Variants in MFSD6 observed in about 807,000 individuals in gnomAD.
MFSD6 encodes the protein major facilitator superfamily domain-containing protein 6.
MFSD6 carries 26 observed loss-of-function variants against 56.3 expected under a neutral mutation model. The ratio of observed to expected loss-of-function variants is 0.46; its 90% CI spans 0.34 to 0.64. MFSD6 has a LOEUF of 0.64. Ranked by LOEUF, MFSD6 falls within the 30% of genes least tolerant of loss-of-function variation. MFSD6 has a pLI of 0.01. For synonymous variants in MFSD6, 331 were observed against 366.9 expected, an observed-to-expected ratio of 0.90 and a Z score of 1.12; for missense variants, 750 against 986.2, an observed-to-expected ratio of 0.76 and a Z score of 3.21.
Position 190,456,573 on chromosome 2 carries a change from G to T in MFSD6, c.1533-13185G>T, listed in dbSNP as rs1574143664. Among the ~76,000 whole-genome samples the T allele has an allele frequency of 6.7e-6, 1 of 149,998 alleles. No individual in the cohort carries two copies. The highest frequency in any genetic ancestry group is 1.9e-4 in the East Asian group (1 of 5,188). On this transcript the variant is annotated intron_variant, in intron 3 of 7. Coordinates refer to ENST00000392328, the MANE Select transcript of MFSD6 (RefSeq NM_017694.4). The surrounding 1 kb of genome is among the most constrained non-coding windows in gnomAD (Gnocchi z 5.4). ...CTGATGGCATGGCCTAAGCCCAAGA[G>T]GGAGACTCTGGACAGCTCTGTCCCT...
rs983964299 is a variant in MFSD6, at chr2:190,458,602, C to G, written c.1533-11156C>G. Among the ~76,000 whole-genome samples the G allele has an allele frequency of 3.7e-4, 57 of 152,302 alleles. No homozygotes were observed. Among genetic ancestry groups the G allele is most frequent in the African/African-American group, 1.3e-3 (54 of 41,550 alleles). On this transcript the variant is annotated intron_variant, in intron 3 of 7. Transcript: ENST00000392328. This position sits in a 1 kb window ranked among gnomAD's most constrained non-coding sequence, Gnocchi z 5.3. Reference sequence around the variant, plus strand: ...ACCCCAGTTTTAGATTCCCTTCCCCCCGAGTGCTTGACAGATGGTTATTAG... The same window carrying G: ...ACCCCAGTTTTAGATTCCCTTCCCCGCGAGTGCTTGACAGATGGTTATTAG...
chr2:190,445,858 G>A (rs181032323), intron 3 of MFSD6, among the ~76,000 whole-genome samples: 2,560 of 149,748 alleles, frequency 0.017, 73 homozygotes, highest in African/African-American at 0.058. Flanking sequence ...CAAAAAGAAG[G>A]TCATTTTTTT....
At chr2:190,428,857 G>T (rs985944468) in intron 2 of MFSD6, among the ~76,000 whole-genome samples, 2 of 151,882 alleles carry the variant, frequency 1.3e-5, no homozygotes, top group African/African-American at 2.4e-5. Context: ...AGTTTTAATA[G>T]AGATGGGGTT....
intron 3 of MFSD6, among the ~76,000 whole-genome samples, chr2:190,449,927 A>C (rs1316657427): frequency 6.6e-6 from 1 of 152,116 alleles, no homozygotes; most frequent in African/African-American, 2.4e-5. Flanking sequence ...TGACGAGTTA[A>C]TGGGTGCAGC....
Position 190,410,671 on chromosome 2 carries a change from G to T in MFSD6, c.-176+2168G>T, listed in dbSNP as rs1237194722. On this transcript the variant is annotated intron_variant, in intron 1 of 7. Transcript: ENST00000392328. This position sits in a 1 kb window ranked among gnomAD's most constrained non-coding sequence, Gnocchi z 4.4. Reference sequence around the variant, plus strand: ...TCCTTTGACAGCAAATCTTAATTTGGCAATCTCATTATAGGGAAAGGAAGA... The same window carrying T: ...TCCTTTGACAGCAAATCTTAATTTGTCAATCTCATTATAGGGAAAGGAAGA... Among the ~76,000 whole-genome samples the T allele has an allele frequency of 2.0e-5, 3 of 152,072 alleles. No homozygotes were observed. Among genetic ancestry groups the T allele is most frequent in the Non-Finnish European group, 4.4e-5 (3 of 68,020 alleles).
Position 190,424,300 on chromosome 2 carries a change from A to G in MFSD6, c.-54+8887A>G, listed in dbSNP as rs1192000197. Among the ~76,000 whole-genome samples, 1 of 151,102 alleles carries G rather than the reference A, an allele frequency of 6.6e-6. No homozygotes were observed. Among genetic ancestry groups the G allele is most frequent in the African/African-American group, 2.4e-5 (1 of 41,088 alleles). ...ATAGTTAATGATCCATTTTGAGTTA[A>G]TATTTGTATAAGGTATAAGACTTAG... On this transcript the variant is annotated intron_variant, in intron 2 of 7. Transcript: ENST00000392328. This position sits in a 1 kb window ranked among gnomAD's most constrained non-coding sequence, Gnocchi z 5.9.
chr2:190,493,677 C>T (rs994669906), intron 6 of MFSD6, among the ~76,000 whole-genome samples: 1 of 152,164 alleles, frequency 6.6e-6, no homozygotes, highest in African/African-American at 2.4e-5. Context: ...AGTACTCTCT[C>T]AGACCACAGT....
chr2:190,460,501 T>A (rs972240882), intron 3 of MFSD6, among the ~76,000 whole-genome samples: 2 of 152,230 alleles, frequency 1.3e-5, no homozygotes, highest in Admixed American at 1.3e-4. Context: ...ATATTCTATT[T>A]GAAGTATTCA....
chr2:190,484,002 G>T (rs1345999369), intron 4 of MFSD6, among the ~76,000 whole-genome samples: 2 of 152,120 alleles, frequency 1.3e-5, no homozygotes, highest in Non-Finnish European at 1.5e-5. Flanking sequence ...AATCCTGGGG[G>T]ATCCCAGTAA....
intron 3 of MFSD6, among the ~76,000 whole-genome samples, chr2:190,450,283 GGAA>G (rs1398571365): frequency 1.3e-5 from 2 of 152,130 alleles, no homozygotes; most frequent in East Asian, 3.9e-4. Context: ...AGGATAGTCT[GGAA>G]GAGTGGATAA....
chr2:190,472,481 G>T (rs1329707393), intron 4 of MFSD6, among the ~76,000 whole-genome samples: 3 of 152,158 alleles, frequency 2.0e-5, no homozygotes, highest in Non-Finnish European at 4.4e-5. Context: ...GGAAGAAAGG[G>T]TATCAGTGAT....
At chr2:190,440,689 T>C (rs1212805026) in intron 3 of MFSD6, among the ~76,000 whole-genome samples, 1 of 152,246 alleles carries the variant, frequency 6.6e-6, no homozygotes, top group Non-Finnish European at 1.5e-5. Context: ...CAGAAAAATC[T>C]ATTCAATCAA....
At position 190,437,095 on chromosome 2, in the gene MFSD6, G is replaced by T. The variant is rs371311716; in HGVS notation, c.1066G>T (p.Asp356Tyr). Residue 356 changes from aspartate to tyrosine, a missense_variant, in exon 3 of 8, where the codon GAT (aspartate) becomes TAT (tyrosine). Physicochemically the swap from Asp to Tyr is radical, Grantham distance 160. Coordinates refer to ENST00000392328, the MANE Select transcript of MFSD6 (RefSeq NM_017694.4). This position sits in a 1 kb window ranked among gnomAD's most constrained non-coding sequence, Gnocchi z 5.9. Reference sequence around the variant, plus strand: ...CTACACCCACATCGAAGTGCTCATCGATGGAAAGGGGTGTAAGCCCCCCGA... The same window carrying T: ...CTACACCCACATCGAAGTGCTCATCTATGGAAAGGGGTGTAAGCCCCCCGA... ...IDYTHIEVLI[D>Y]GKGCKPPEYR... The T allele has an allele frequency of 1.9e-6, 3 of 1,614,122 alleles. No homozygotes were observed. The highest frequency in any genetic ancestry group is 1.7e-6 in the Non-Finnish European group (2 of 1,180,052).
At chr2:190,428,873 A>G (rs1685868542) in intron 2 of MFSD6, among the ~76,000 whole-genome samples, 1 of 151,958 alleles carries the variant, frequency 6.6e-6, no homozygotes, top group African/African-American at 2.4e-5. Context: ...GGGTTTTGCC[A>G]CATTGGCCAG....
At position 190,436,410 on chromosome 2, in the gene MFSD6, CT is replaced by C; in HGVS notation, c.384del (p.Phe128LeufsTer30). 1 of 1,614,166 alleles carries C rather than the reference CT, an allele frequency of 6.2e-7. No homozygotes were observed. The highest frequency in any genetic ancestry group is 8.5e-7 in the Non-Finnish European group (1 of 1,180,028). ...APFWGVVADR[F>X]KKGKIVLLFS... Reference sequence around the variant, plus strand: ...CCTTTTGGGGTGTAGTTGCAGACCGCTTTAAAAAAGGCAAAATTGTCCTCCT... The same window carrying C: ...CCTTTTGGGGTGTAGTTGCAGACCGCTTAAAAAAGGCAAAATTGTCCTCCT... On this transcript the variant is annotated frameshift_variant, in exon 3 of 8. Coordinates refer to ENST00000392328, the MANE Select transcript of MFSD6 (RefSeq NM_017694.4). LOFTEE classifies it high-confidence loss of function. The surrounding 1 kb of genome is among the most constrained non-coding windows in gnomAD (Gnocchi z 5.3).
At position 190,412,145 on chromosome 2, in the gene MFSD6, T is replaced by G; in HGVS notation, c.-175-3147T>G. On this transcript the variant is annotated intron_variant, in intron 1 of 7. Coordinates refer to ENST00000392328, the MANE Select transcript of MFSD6 (RefSeq NM_017694.4). This position sits in a 1 kb window ranked among gnomAD's most constrained non-coding sequence, Gnocchi z 4.1. ...TAGTTCTATCCAATTCTATGTAAAA[T>G]TAACTAAAACCACTGCTTAGAATCC... The G allele has an allele frequency of 1.0e-6, 1 of 984,042 alleles. No homozygotes were observed. The highest frequency in any genetic ancestry group is 1.2e-6 in the Non-Finnish European group (1 of 828,642). 61.0% of individuals were successfully genotyped at this position (984,042 alleles called of 1,614,324 possible). A position where few individuals can be genotyped will look rare whatever the true frequency, so the allele number is the denominator to read the frequency against.
chr2:190,441,684 C>A (rs944832409), intron 3 of MFSD6, among the ~76,000 whole-genome samples: 2 of 152,036 alleles, frequency 1.3e-5, no homozygotes, highest in African/African-American at 4.8e-5. Flanking sequence ...TAGCTTTCTC[C>A]ACGTGGGTAC....
In MFSD6 at chr2:190,490,000, G is replaced by A. The variant is rs1373684239; in HGVS notation, c.1891+134G>A. The A allele has an allele frequency of 2.0e-5, 13 of 655,880 alleles. No individual in the cohort carries two copies. The highest frequency in any genetic ancestry group is 1.3e-4 in the South Asian group (6 of 46,228). 40.6% of individuals were successfully genotyped at this position (655,880 alleles called of 1,614,324 possible). On this transcript the variant is annotated intron_variant, in intron 6 of 7. Coordinates refer to ENST00000392328, the MANE Select transcript of MFSD6 (RefSeq NM_017694.4). The surrounding 1 kb of genome is among the most constrained non-coding windows in gnomAD (Gnocchi z 6.6). ...GGCTCAATTTTCTGAGTGGCGTATC[G>A]ATGAATTCATGTGGACTATTGTTAA...
chr2:190,469,171 C>T lies in MFSD6; in HGVS notation c.1533-587C>T, dbSNP rs1270257562. 6.6e-6 allele frequency among the ~76,000 whole-genome samples: 1 copy of T among 152,034 alleles called. No homozygotes were observed. On this transcript the variant is annotated intron_variant, in intron 3 of 7. Transcript: ENST00000392328. The surrounding 1 kb of genome is among the most constrained non-coding windows in gnomAD (Gnocchi z 5.3). ...ATTTTTTAAAAGATGAACATGTATC[C>T]ATTGAACTGATAGGAGAAACTATTT...
Sources: allele counts gnomAD v4.1 joint callset (sites outside exome capture counted in the v4.1 genomes callset), GRCh38; gene constraint gnomAD v4.1.1; non-coding constraint Gnocchi (gnomAD v3.1); transcripts MANE v1.5; gene names NCBI Gene and HGNC (gene_info 2026-07-23, HGNC 2026-07-21).